PCDH15: variants seen among roughly 807,000 people sequenced by gnomAD.
The protein encoded by PCDH15 is protocadherin related 15.
A neutral mutation model predicts 178.5 loss-of-function variants in PCDH15; 129 were observed. The ratio of observed to expected loss-of-function variants is 0.72; its 90% CI spans 0.63 to 0.84. The LOEUF (loss-of-function observed/expected upper bound fraction) is 0.84, where lower values mean the gene tolerates loss of function less well. Ranked by LOEUF, PCDH15 falls within the 40% of genes least tolerant of loss-of-function variation. PCDH15 has a pLI of 0.00. For missense variants in PCDH15, 2,230 were observed against 2,099.9 expected (o/e 1.06, Z -1.21); for synonymous variants, 800 against 732.0 (o/e 1.09, Z -1.50).
chr10:53,866,559 T>A, intron 27 of PCDH15, 83 bp downstream of exon 27: 2 of 1,011,240 alleles, frequency 2.0e-6, no homozygotes, highest in Admixed American at 3.7e-5. Flanking sequence ...TTTAAATTAA[T>A]CTTAGAAGTT....
At chr10:54,283,901 T>G (rs2058864992) in intron 8 of PCDH15, among the ~76,000 whole-genome samples, 1 of 152,128 alleles carries the variant, frequency 6.6e-6, no homozygotes, top group Non-Finnish European at 1.5e-5. Context: ...TGGGCTGGGA[T>G]GCATTGGCAC....
intron 3 of PCDH15, among the ~76,000 whole-genome samples, chr10:54,419,905 C>A (rs1955000832): frequency 6.6e-6 from 1 of 151,930 alleles, no homozygotes; most frequent in Non-Finnish European, 1.5e-5. Flanking sequence ...TCTCCCTGGG[C>A]TATTAGGATG....
intron 1 of PCDH15, among the ~76,000 whole-genome samples, chr10:54,747,590 C>G (rs987954755): frequency 1.1e-4 from 16 of 152,042 alleles, no homozygotes; most frequent in Admixed American, 9.2e-4. Flanking sequence ...ACCTGCATTT[C>G]CAGAAAAGTC....
chr10:54,759,523 T>C (rs943164788), intron 1 of PCDH15, among the ~76,000 whole-genome samples: 6 of 152,234 alleles, frequency 3.9e-5, no homozygotes, highest in African/African-American at 1.4e-4. Flanking sequence ...AACCTGCATG[T>C]ATGCAGTTCA....
chr10:54,901,412 T>G (rs188874709), intron 2 of PCDH15, among the ~76,000 whole-genome samples: 5 of 152,352 alleles, frequency 3.3e-5, no homozygotes, highest in Non-Finnish European at 1.5e-5. Flanking sequence ...ATGAAATATA[T>G]GTAATATTGC....
intron 1 of PCDH15, among the ~76,000 whole-genome samples, chr10:54,796,678 T>C (rs1045770116): frequency 2.6e-5 from 4 of 151,944 alleles, no homozygotes; most frequent in African/African-American, 9.7e-5. Flanking sequence ...ACTTTTATTA[T>C]GTTTTTCCCT....
intron 18 of PCDH15, among the ~76,000 whole-genome samples, chr10:54,062,238 A>AC (rs2094035507): frequency 3.1e-5 from 3 of 97,354 alleles, no homozygotes; most frequent in African/African-American, 9.0e-5. Flanking sequence ...AAAAAAAAAA[A>AC]AAAAAAAAAA....
At chr10:55,194,069 A>G (rs1034857107) in intron 1 of PCDH15, among the ~76,000 whole-genome samples, 6 of 152,054 alleles carry the variant, frequency 3.9e-5, no homozygotes, top group African/African-American at 1.4e-4. Flanking sequence ...GAGTAAATTT[A>G]TAATCTTGAT....
rs2075790258 is a variant in PCDH15 at position 53,809,530 on chromosome 10, A to G, written c.4671+1026T>C. The G allele has an allele frequency of 1.9e-6, 3 of 1,608,174 alleles. No homozygotes were observed. The African/African-American group carries it at 4.0e-5, about 22-fold the overall frequency. On this transcript the variant is annotated intron_variant, in intron 37 of 37. Coordinates refer to ENST00000644397, the MANE Select transcript of PCDH15 (RefSeq NM_001384140.1). ...TCTAATTTCAACCTTTGGTTTTTTAATTTTCTTTGGCTCTTCCTGAAAATT... is the reference window on the plus strand; with the variant it reads ...TCTAATTTCAACCTTTGGTTTTTTAGTTTTCTTTGGCTCTTCCTGAAAATT...
At chr10:55,425,988 CTTAT>C (rs988624561) in intron 2 of PCDH15, among the ~76,000 whole-genome samples, 271 of 152,176 alleles carry the variant, frequency 1.8e-3, no homozygotes, top group African/African-American at 6.1e-3. Context: ...TAGCAAAATA[CTTAT>C]TTGTTTTAAA....
chr10:54,324,160 G>A (rs2061788245), intron 7 of PCDH15, among the ~76,000 whole-genome samples: 2 of 152,176 alleles, frequency 1.3e-5, no homozygotes, highest in Admixed American at 1.3e-4. Context: ...CAGAAGTGAG[G>A]GAAGGTCAGG....
At chr10:54,677,488 C>T (rs564416624) in intron 1 of PCDH15, among the ~76,000 whole-genome samples, 2 of 151,818 alleles carry the variant, frequency 1.3e-5, no homozygotes, top group East Asian at 1.9e-4. Context: ...TGTGTGTGTG[C>T]GTGCGTGTCA....
intron 2 of PCDH15, among the ~76,000 whole-genome samples, chr10:55,363,247 G>A (rs997667803): frequency 3.3e-5 from 5 of 152,142 alleles, no homozygotes; most frequent in Non-Finnish European, 7.3e-5. Context: ...CTCTTTCCAT[G>A]TCACTGTTGA....
rs556273012 is a variant in PCDH15 at position 53,821,452 on chromosome 10, T to A, written c.4368-1222A>T. 3.9e-6 allele frequency: 4 copies of A among 1,019,288 alleles called. No homozygotes were observed. The South Asian group carries it at 1.1e-4, about 29-fold the overall frequency. The allele number at this position is 1,019,288 out of a possible 1,614,324, so 63.1% of individuals were successfully genotyped here. A position where few individuals can be genotyped will look rare whatever the true frequency, so the allele number is the denominator to read the frequency against. On this transcript the variant is annotated intron_variant, in intron 32 of 37. Transcript: ENST00000644397. ...AATCATATCAGTTTTAACTTATTTG[T>A]AACAGTCTGCTTTTTTCTTGGAACA...
At chr10:55,364,712 G>C (rs1453841371) in intron 2 of PCDH15, among the ~76,000 whole-genome samples, 4 of 151,878 alleles carry the variant, frequency 2.6e-5, no homozygotes, top group Non-Finnish European at 4.4e-5. Flanking sequence ...ATGAATGTTA[G>C]ACCTTTTGAT....
intron 8 of PCDH15, among the ~76,000 whole-genome samples, chr10:54,313,722 G>A (rs997028445): frequency 3.3e-5 from 5 of 151,996 alleles, no homozygotes; most frequent in Admixed American, 1.3e-4. Flanking sequence ...AGTTCATTAC[G>A]AACAGAACAT....
chr10:55,544,684 C>A (rs569580435), intron 2 of PCDH15, among the ~76,000 whole-genome samples: 26 of 152,160 alleles, frequency 1.7e-4, no homozygotes, highest in African/African-American at 4.8e-4. Context: ...AGGGGAAAAT[C>A]TGCGCAAGCC....
intron 8 of PCDH15, among the ~76,000 whole-genome samples, chr10:54,295,597 C>G (rs2059702300): frequency 6.6e-6 from 1 of 152,156 alleles, no homozygotes; most frequent in South Asian, 2.1e-4. Flanking sequence ...CTGGACGTAT[C>G]TGAACATCCA....
rs190232833 is a variant in PCDH15 at position 54,244,086 on chromosome 10, C to T, written c.877-7155G>A. 3.0e-4 allele frequency among the ~76,000 whole-genome samples: 45 copies of T among 152,208 alleles called. 2 individuals carry two copies. In the East Asian group the frequency reaches 7.9e-3, roughly 27 times the overall value. ...ATGCCTGATCACTGGAATTTCGTAT[C>T]ACATATTAAAACAAAAACTCACTTA... is the stretch of plus-strand genomic sequence containing the variant. On this transcript the variant is annotated intron_variant, in intron 8 of 37. Coordinates refer to ENST00000644397, the MANE Select transcript of PCDH15 (RefSeq NM_001384140.1).
Sources: gnomAD v4.1 joint callset for allele counts (sites outside exome capture counted in the v4.1 genomes callset) on GRCh38, gnomAD v4.1.1 for gene constraint, MANE v1.5 for transcripts, NCBI Gene and HGNC (gene_info 2026-07-23, HGNC 2026-07-21) for gene names.